BEST2: variants seen among roughly 807,000 people sequenced by gnomAD.
BEST2 encodes the protein bestrophin 2, also known as bestrophin-2a.
BEST2 carries 36 observed loss-of-function variants against 49.0 expected under a neutral mutation model. That is an observed-to-expected ratio of 0.73 (90% CI 0.56 to 0.97). The LOEUF is 0.97. Among genes scored for constraint, BEST2 ranks in the 50% least tolerant of loss-of-function variants. The pLI, the probability that BEST2 is intolerant of heterozygous loss-of-function variation, is 0.00. For missense variants in BEST2, 672 were observed against 710.0 expected (o/e 0.95, Z 0.61); for synonymous variants, 335 against 304.4 (o/e 1.10, Z -1.05).
In BEST2 at chr19:12,758,200, C is replaced by T; in HGVS notation, c.*123C>T. On this transcript the variant is annotated 3_prime_UTR_variant, in exon 10 of 10. Coordinates refer to ENST00000553030, the MANE Select transcript of BEST2 (RefSeq NM_017682.3). The stretch of plus-strand genomic sequence containing the variant: ...AGTCCACCTACACTTTTGACCAGCT[C>T]TCGCTGCCCGCATGTGTTTGGCGCT... 1.6e-6 allele frequency: 2 copies of T among 1,215,016 alleles called. No individual in the cohort carries two copies. Among genetic ancestry groups the T allele is most frequent in the Non-Finnish European group, 2.3e-6 (2 of 876,484 alleles). The allele number at this position is 1,215,016 out of a possible 1,614,324, so 75.3% of individuals were successfully genotyped here.
intron 9 of BEST2, 193 bp downstream of exon 9, chr19:12,756,488 G>A (rs1284381930): frequency 1.3e-6 from 1 of 751,352 alleles, no homozygotes; most frequent in African/African-American, 1.8e-5. Context: ...GCCACTGACT[G>A]GGGACAGAGC....
Position 12,754,559 on chromosome 19 carries a change from T to C in BEST2, c.255T>C (p.Tyr85=). ...TTCCCCGCTCCCCTGCAGGCTTTTATGTGACGCTGGTGGTGAACCGCTGGT... is the reference window on the plus strand; with the variant it reads ...TTCCCCGCTCCCCTGCAGGCTTTTACGTGACGCTGGTGGTGAACCGCTGGT... The part of the protein sequence containing the change: ...LIPVSFVLGF[Y]VTLVVNRWWS... Residue 85 remains tyrosine, a synonymous_variant, in exon 4 of 10, where the codon TAT becomes TAC. Coordinates refer to ENST00000553030, the MANE Select transcript of BEST2 (RefSeq NM_017682.3). The C allele has an allele frequency of 6.6e-7, 1 of 1,519,908 alleles. No homozygotes were observed. The highest frequency in any genetic ancestry group is 8.9e-7 in the Non-Finnish European group (1 of 1,125,536). The allele number at this position is 1,519,908 out of a possible 1,614,324, so 94.2% of individuals were successfully genotyped here. A position where few individuals can be genotyped will look rare whatever the true frequency, so the allele number is the denominator to read the frequency against.
chr19:12,755,506 C>T lies in BEST2; in HGVS notation c.714+50C>T, dbSNP rs752957203. On this transcript the variant is annotated intron_variant, in intron 6 of 9. Transcript: ENST00000553030. The surrounding 1 kb of genome is among the most constrained non-coding windows in gnomAD (Gnocchi z 4.4). ...TATTCGGTGTCAGTGGCCCTGATGCCTGGTTTCCAAGGGGAAACCAAGAAC... is the reference window on the plus strand; with the variant it reads ...TATTCGGTGTCAGTGGCCCTGATGCTTGGTTTCCAAGGGGAAACCAAGAAC... 1.2e-6 allele frequency: 2 copies of T among 1,609,302 alleles called. No homozygotes were observed. The highest frequency in any genetic ancestry group is 2.2e-5 in the South Asian group (2 of 90,968).
At chr19:12,752,521 C>T (rs928803540) in intron 1 of BEST2, 21 bp from the exon 2 acceptor site, 3 of 1,501,752 alleles carry the variant, frequency 2.0e-6, no homozygotes, top group Non-Finnish European at 2.7e-6. Context: ...TATCCCCGCA[C>T]CTCTCCACCC....
intron 9 of BEST2, among the ~76,000 whole-genome samples, chr19:12,757,076 G>C (rs907001501): frequency 6.6e-6 from 1 of 151,998 alleles, no homozygotes; most frequent in Admixed American, 6.6e-5. Flanking sequence ...CTGGGAGGCA[G>C]AGGTTGCAGT....
chr19:12,756,307 G>C lies in BEST2; in HGVS notation c.1103+12G>C. Reference sequence around the variant, plus strand: ...ACCTTTGACATCACGTGAGCCAGTTGGGTGGGCAGGGCCGCCTGGGGCAGG... The same window carrying C: ...ACCTTTGACATCACGTGAGCCAGTTCGGTGGGCAGGGCCGCCTGGGGCAGG... On this transcript the variant is annotated intron_variant, in intron 9 of 9. Transcript: ENST00000553030. The C allele has an allele frequency of 6.2e-7, 1 of 1,611,770 alleles. No individual in the cohort carries two copies. Among genetic ancestry groups the C allele is most frequent in the Non-Finnish European group, 8.5e-7 (1 of 1,179,952 alleles).
At chr19:12,756,428 G>T (rs143899087) in intron 9 of BEST2, 133 bp downstream of exon 9, 7 of 1,261,598 alleles carry the variant, frequency 5.5e-6, no homozygotes, top group Non-Finnish European at 7.7e-6. Context: ...CTGTGATAAC[G>T]CCAGAAGCTA....
Position 12,755,121 on chromosome 19 carries a change from C to T in BEST2, c.636+90C>T, listed in dbSNP as rs1967924623. 9 of 1,451,074 alleles carry T rather than the reference C, an allele frequency of 6.2e-6. No individual in the cohort carries two copies. Among genetic ancestry groups the T allele is most frequent in the African/African-American group, 1.4e-5 (1 of 70,228 alleles). The allele number at this position is 1,451,074 out of a possible 1,614,324, so 89.9% of individuals were successfully genotyped here. On this transcript the variant is annotated intron_variant, in intron 5 of 9. Transcript: ENST00000553030. The surrounding 1 kb of genome is among the most constrained non-coding windows in gnomAD (Gnocchi z 4.4). ...AACGGCGGCCCTCCAAGCACCCCCA[C>T]GAGGCCGATTTCAAACACCCTCACC...
rs1462035695 is a variant in BEST2 at position 12,755,758 on chromosome 19, C to T, written c.858C>T (p.Gly286=). ...TCTTGCAGTTCTTCTTCTACGCCGGCTGGCTCAAGGTAGGTGGGTGATCCA... is the reference window on the plus strand; with the variant it reads ...TCTTGCAGTTCTTCTTCTACGCCGGTTGGCTCAAGGTAGGTGGGTGATCCA... ...FTLLQFFFYA[G]WLKVAEQLIN... Residue 286 remains glycine, a synonymous_variant, in exon 7 of 10, where the codon GGC becomes GGT. Coordinates refer to ENST00000553030, the MANE Select transcript of BEST2 (RefSeq NM_017682.3). The surrounding 1 kb of genome is among the most constrained non-coding windows in gnomAD (Gnocchi z 4.4). The T allele has an allele frequency of 6.2e-7, 1 of 1,613,984 alleles. No homozygotes were observed. The highest frequency in any genetic ancestry group is 1.3e-5 in the African/African-American group (1 of 74,918).
Position 12,753,342 on chromosome 19 carries a change from T to A in BEST2, c.235T>A (p.Ser79Thr), listed in dbSNP as rs1340101300. ...CCAGTATGCCAGCCTCATCCCTGTCTCCTTCGTGCTTGGTGCGGTCCAACC... is the reference window on the plus strand; with the variant it reads ...CCAGTATGCCAGCCTCATCCCTGTCACCTTCGTGCTTGGTGCGGTCCAACC... ...CDQYASLIPV[S>T]FVLGFYVTLV... The change falls in exon 3 of 10, where the codon TCC becomes ACC. Residue 79 changes from serine to threonine, a missense_variant. Ser to Thr is a moderately conservative substitution (Grantham distance 58). Around this residue, in one of 3 missense-constraint regions of BEST2, gnomAD observed 365 missense variants for 390.9 expected, o/e 0.93. Coordinates refer to ENST00000553030, the MANE Select transcript of BEST2 (RefSeq NM_017682.3). The A allele has an allele frequency of 6.2e-7, 1 of 1,614,106 alleles. No individual in the cohort carries two copies. Among genetic ancestry groups the A allele is most frequent in the Non-Finnish European group, 8.5e-7 (1 of 1,179,986 alleles).
Position 12,757,776 on chromosome 19 carries a change from T to C in BEST2, c.1229T>C (p.Leu410Pro). Residue 410 changes from leucine (L) to proline (P), a missense_variant, in exon 10 of 10, where the codon CTG (leucine) becomes CCG (proline). Transcript: ENST00000553030. ...AGAGMVAGGP[L>P]GRRLSFLLRK... ...GCGGGCATGGTCGCGGGAGGCCCGC[T>C]GGGCCGGCGCCTGTCCTTTCTACTC... is the stretch of plus-strand genomic sequence containing the variant. 6.5e-7 allele frequency: 1 copy of C among 1,545,824 alleles called. No individual in the cohort carries two copies. Among genetic ancestry groups the C allele is most frequent in the Non-Finnish European group, 8.7e-7 (1 of 1,146,080 alleles).
intron 1 of BEST2, 99 bp from the exon 2 acceptor site, chr19:12,752,443 C>T (rs911193326): frequency 1.3e-6 from 1 of 754,670 alleles, no homozygotes; most frequent in Non-Finnish European, 2.1e-6. Context: ...GAGGAGAAGG[C>T]AACTCAGGCA....
At chr19:12,752,837 A>G (rs1829139493) in intron 2 of BEST2, 93 bp downstream of exon 2, 2 of 900,544 alleles carry the variant, frequency 2.2e-6, no homozygotes, top group African/African-American at 1.8e-5. Flanking sequence ...ATAGAGATAT[A>G]TAAGTATATA....
rs766324656 is a variant in BEST2, at chr19:12,755,832, C to G, written c.868-23C>G. On this transcript the variant is annotated intron_variant, in intron 7 of 9. Transcript: ENST00000553030. This position sits in a 1 kb window ranked among gnomAD's most constrained non-coding sequence, Gnocchi z 4.4. Reference sequence around the variant, plus strand: ...GGGCATGGGGTTCCCAAGTTTCCACCTAACTGCTCCCTCTCCTCTCAGGTA... The same window carrying G: ...GGGCATGGGGTTCCCAAGTTTCCACGTAACTGCTCCCTCTCCTCTCAGGTA... 3.7e-6 allele frequency: 6 copies of G among 1,613,796 alleles called. No individual in the cohort carries two copies. The African/African-American group carries it at 4.0e-5, about 11-fold the overall frequency.
At position 12,757,715 on chromosome 19, in the gene BEST2, C is replaced by T; in HGVS notation, c.1168C>T (p.Pro390Ser). ...CTTGGATGGACCGATGGGAGAGGCG[C>T]CCGGCGACTTCCTGCAGCGCCTCCT... The part of the protein sequence containing the change: ...DGLDGPMGEA[P>S]GDFLQRLLPA... Residue 390 changes from proline (P) to serine (S), a missense_variant, in exon 10 of 10, where the codon CCC (proline) becomes TCC (serine). Pro to Ser is a moderately conservative substitution (Grantham distance 74). Around this residue, in one of 3 missense-constraint regions of BEST2, gnomAD observed 291 missense variants for 279.8 expected, o/e 1.04. Coordinates refer to ENST00000553030, the MANE Select transcript of BEST2 (RefSeq NM_017682.3). 6.5e-7 allele frequency: 1 copy of T among 1,545,878 alleles called. No homozygotes were observed.
chr19:12,753,174 C>A, intron 2 of BEST2, 86 bp from the exon 3 acceptor site: 1 of 1,420,330 alleles, frequency 7.0e-7, no homozygotes, highest in Non-Finnish European at 9.9e-7. Flanking sequence ...ATAAAAGAAG[C>A]CAGGGTGAGG....
At chr19:12,752,493 G>A (rs1967879564) in intron 1 of BEST2, 49 bp from the exon 2 acceptor site, 2 of 1,302,844 alleles carry the variant, frequency 1.5e-6, no homozygotes, top group African/African-American at 1.5e-5. Flanking sequence ...GAACATGGGT[G>A]GAATCCCTGT....
chr19:12,755,930 T>G lies in BEST2; in HGVS notation c.943T>G (p.Phe315Val), dbSNP rs1456000924. 4 of 1,613,818 alleles carry G rather than the reference T, an allele frequency of 2.5e-6. No individual in the cohort carries two copies. The highest frequency in any genetic ancestry group is 3.4e-6 in the Non-Finnish European group (4 of 1,179,782). The change falls in exon 8 of 10, where the codon TTC becomes GTC. Residue 315 changes from phenylalanine to valine, a missense_variant. This residue lies in a region of BEST2 where 291 missense variants were observed against 279.8 expected (regional missense o/e 1.04). Transcript: ENST00000553030. The surrounding 1 kb of genome is among the most constrained non-coding windows in gnomAD (Gnocchi z 4.4). ...GACCAACTTTCTGATCGATAGAAAC[T>G]TCCAGGTGAGACTCAGTTTCCAGGT... ...FETNFLIDRN[F>V]QVSMLAVDEM...
intron 2 of BEST2, 75 bp from the exon 3 acceptor site, chr19:12,753,185 G>T: frequency 6.7e-7 from 1 of 1,486,458 alleles, no homozygotes. Flanking sequence ...CAGGGTGAGG[G>T]GCACAGCAAG....
Sources: gnomAD v4.1 joint callset for allele counts (sites outside exome capture counted in the v4.1 genomes callset) on GRCh38, gnomAD v4.1.1 for gene constraint, gnomAD v4.1.1 regional missense constraint, Gnocchi (gnomAD v3.1) non-coding constraint, MANE v1.5 for transcripts, NCBI Gene and HGNC (gene_info 2026-07-23, HGNC 2026-07-21) for gene names.